AK5: variants seen among roughly 807,000 people sequenced by gnomAD.
The protein encoded by AK5 is adenylate kinase 5.
Under a neutral mutation model 69.5 loss-of-function variants are expected in AK5, and 27 were observed. The ratio of observed to expected loss-of-function variants is 0.39; its 90% CI spans 0.29 to 0.54. The LOEUF (loss-of-function observed/expected upper bound fraction) is 0.54. AK5 is among the 20% of genes least tolerant of loss of function. AK5 has a pLI of 0.71. For missense variants in AK5, 531 were observed against 700.4 expected, an observed-to-expected ratio of 0.76 and a Z score of 2.73; for synonymous variants, 260 against 244.4, an observed-to-expected ratio of 1.06 and a Z score of -0.60.
chr1:77,344,345 A>G (rs1418676878), intron 6 of AK5, among the ~76,000 whole-genome samples: 1 of 152,238 alleles, frequency 6.6e-6, no homozygotes, highest in Non-Finnish European at 1.5e-5. Flanking sequence ...AAACTTCTTC[A>G]TAGAACTTTC....
At chr1:77,341,836 GA>G (rs1440086326) in intron 6 of AK5, among the ~76,000 whole-genome samples, 1 of 152,118 alleles carries the variant, frequency 6.6e-6, no homozygotes, top group Non-Finnish European at 1.5e-5. Flanking sequence ...AAAGATTTGG[GA>G]AAATCAGGGT....
chr1:77,303,838 T>C (rs1463216854), intron 5 of AK5, among the ~76,000 whole-genome samples: 1 of 152,196 alleles, frequency 6.6e-6, no homozygotes, highest in East Asian at 1.9e-4. Context: ...GGATCTATGC[T>C]CAAATTCTTT....
chr1:77,407,778 C>G (rs575375422), intron 6 of AK5, among the ~76,000 whole-genome samples: 10 of 152,220 alleles, frequency 6.6e-5, no homozygotes, highest in African/African-American at 2.2e-4. Context: ...CTTTGTCCCC[C>G]ACCTTCCCTC....
intron 5 of AK5, among the ~76,000 whole-genome samples, chr1:77,330,355 CTATT>C (rs1421327255): frequency 6.6e-6 from 1 of 152,124 alleles, no homozygotes; most frequent in Non-Finnish European, 1.5e-5. Context: ...ATCTTCTAGA[CTATT>C]TATCATTTTG....
chr1:77,532,002 C>G (rs896369437), intron 12 of AK5: 1 of 139,510 alleles, frequency 7.2e-6, no homozygotes, highest in African/African-American at 2.5e-5. Context: ...GGCCGGCCGG[C>G]CGGCCGCTCC....
intron 8 of AK5, among the ~76,000 whole-genome samples, chr1:77,428,302 G>A (rs12753538): frequency 0.28 from 42,998 of 152,074 alleles, 7,705 homozygotes; most frequent in Non-Finnish European, 0.4. Flanking sequence ...TCTTCTCTGT[G>A]TACTTTTTTG....
In AK5 at chr1:77,500,784, AAAC is replaced by A. The variant is rs1158210435; in HGVS notation, c.1147+14443_1147+14445del. Among the ~76,000 whole-genome samples, 7 of 152,322 alleles carry A rather than the reference AAAC, an allele frequency of 4.6e-5. No homozygotes were observed. The East Asian group carries it at 9.6e-4, about 21-fold the overall frequency. On this transcript the variant is annotated intron_variant, in intron 10 of 13. Coordinates refer to ENST00000354567, the MANE Select transcript of AK5 (RefSeq NM_174858.3). ...GCAACAGAGCGAGACTCCATCTCAC[AAAC>A]AACAACAACAGCAACAAAAAAACAA...
intron 10 of AK5, among the ~76,000 whole-genome samples, chr1:77,504,249 C>G (rs1215082485): frequency 6.6e-6 from 1 of 152,142 alleles, no homozygotes; most frequent in Non-Finnish European, 1.5e-5. Context: ...CAGCCCAAAT[C>G]TCTCCTAAAA....
At chr1:77,436,534 G>A (rs576898572) in intron 8 of AK5, among the ~76,000 whole-genome samples, 2 of 151,652 alleles carry the variant, frequency 1.3e-5, no homozygotes, top group South Asian at 4.2e-4. Context: ...AATTTAAGAA[G>A]CCAAGAACAA....
At chr1:77,352,126 C>T (rs1314579528) in intron 6 of AK5, among the ~76,000 whole-genome samples, 1 of 151,698 alleles carries the variant, frequency 6.6e-6, no homozygotes, top group Non-Finnish European at 1.5e-5. Flanking sequence ...GACTGGGTTT[C>T]ACCATGTTGG....
intron 13 of AK5, among the ~76,000 whole-genome samples, chr1:77,555,232 C>T (rs577473415): frequency 2.2e-4 from 34 of 152,238 alleles, no homozygotes; most frequent in African/African-American, 7.7e-4. Flanking sequence ...GAGCTGAGAT[C>T]GTGCCACTGC....
intron 10 of AK5, among the ~76,000 whole-genome samples, chr1:77,508,598 G>A (rs1283660379): frequency 1.3e-5 from 2 of 152,280 alleles, no homozygotes; most frequent in Non-Finnish European, 2.9e-5. Flanking sequence ...TGGGCACGGT[G>A]GCTCTCACCT....
At chr1:77,399,666 C>A (rs984986325) in intron 6 of AK5, among the ~76,000 whole-genome samples, 1 of 152,114 alleles carries the variant, frequency 6.6e-6, no homozygotes, top group African/African-American at 2.4e-5. Flanking sequence ...AATCCATTCT[C>A]CCATCTCAGA....
chr1:77,384,942 G>T (rs1160550880), intron 6 of AK5, among the ~76,000 whole-genome samples: 1 of 152,106 alleles, frequency 6.6e-6, no homozygotes, highest in Non-Finnish European at 1.5e-5. Context: ...CATCGCCTGG[G>T]TGCAAGTCCT....
At chr1:77,315,457 TA>T (rs1401898043) in intron 5 of AK5, among the ~76,000 whole-genome samples, 1 of 152,128 alleles carries the variant, frequency 6.6e-6, no homozygotes. Flanking sequence ...TATTTTAGTA[TA>T]AAAATGATTT....
intron 12 of AK5, among the ~76,000 whole-genome samples, chr1:77,531,352 C>A (rs1209405107): frequency 6.6e-6 from 1 of 152,184 alleles, no homozygotes; most frequent in Non-Finnish European, 1.5e-5. Flanking sequence ...TCTGGCCCCA[C>A]CCACATCCTG....
At chr1:77,421,404 G>A (rs34277277) in intron 8 of AK5, among the ~76,000 whole-genome samples, 10,837 of 152,152 alleles carry the variant, frequency 0.071, 444 homozygotes, top group East Asian at 0.12. Flanking sequence ...AGAGCCAGGC[G>A]CAGGAAAGAT....
chr1:77,389,123 CT>C lies in AK5; in HGVS notation c.892-21857del, dbSNP rs537332280. Among the ~76,000 whole-genome samples, 131 of 152,316 alleles carry C rather than the reference CT, an allele frequency of 8.6e-4. 1 individual carries two copies. Among genetic ancestry groups the C allele is most frequent in the African/African-American group, 2.9e-3 (121 of 41,568 alleles). On this transcript the variant is annotated intron_variant, in intron 6 of 13. Coordinates refer to ENST00000354567, the MANE Select transcript of AK5 (RefSeq NM_174858.3). Reference sequence around the variant, plus strand: ...GCAGCCTGAATTGGAGGGGACTGTACTGTGGGACCCTGTGAGGTATGAAAGT... The same window carrying C: ...GCAGCCTGAATTGGAGGGGACTGTACGTGGGACCCTGTGAGGTATGAAAGT...
chr1:77,515,921 T>A (rs748825853), intron 10 of AK5, among the ~76,000 whole-genome samples: 1 of 151,986 alleles, frequency 6.6e-6, no homozygotes, highest in African/African-American at 2.4e-5. Flanking sequence ...GGTGTGGTGA[T>A]GTGCACCTGT....
Sources: allele counts gnomAD v4.1 joint callset (sites outside exome capture counted in the v4.1 genomes callset), GRCh38; gene constraint gnomAD v4.1.1; transcripts MANE v1.5; gene names NCBI Gene and HGNC (gene_info 2026-07-23, HGNC 2026-07-21).